ZNF568: variants seen among roughly 807,000 people sequenced by gnomAD.
ZNF568 encodes zinc finger protein 568, also known as p53 inhibitor of SCO2 activation.
Under a neutral mutation model 18.1 loss-of-function variants are expected in ZNF568, and 11 were observed. That is an observed-to-expected ratio of 0.61 (90% CI 0.38 to 1.00). ZNF568 has a LOEUF of 1.00. Among genes scored for constraint, ZNF568 ranks in the 50% least tolerant of loss-of-function variants. The pLI is 0.01. For synonymous variants in ZNF568, 213 were observed against 246.6 expected (o/e 0.86, Z 1.28); for missense variants, 639 against 768.2 (o/e 0.83, Z 1.99).
At position 36,922,942 on chromosome 19, in the gene ZNF568, C is replaced by T. The variant is rs1207118727; in HGVS notation, c.76+96C>T. On this transcript the variant is annotated intron_variant, in intron 3 of 6. Transcript: ENST00000333987. ...TCATTACTCCTACTGAGAAAGGTCA[C>T]GTATGTTAATTGACTAGGCAGGGGA... The T allele has an allele frequency of 1.8e-5, 18 of 1,020,192 alleles. No homozygotes were observed. The Admixed American group carries it at 2.6e-4, about 15-fold the overall frequency. The allele number at this position is 1,020,192 out of a possible 1,614,324, so 63.2% of individuals were successfully genotyped here.
intron 4 of ZNF568, among the ~76,000 whole-genome samples, chr19:36,995,933 C>T (rs535797183): frequency 4.0e-4 from 61 of 152,096 alleles, no homozygotes; most frequent in Non-Finnish European, 7.6e-4. Context: ...TGTCTATATC[C>T]GAATCTCTGA....
At position 36,975,681 on chromosome 19, in the gene ZNF568, C is replaced by CTTTTTTTTTTTTTTTTTTTTTT. The variant is rs1193440344; in HGVS notation, c.405+1236_405+1237insTTTTTTTTTTTTTTTTTTTTTT. Among the ~76,000 whole-genome samples, 7 of 75,778 alleles carry CTTTTTTTTTTTTTTTTTTTTTT rather than the reference C, an allele frequency of 9.2e-5. 2 individuals carry two copies. Among genetic ancestry groups the CTTTTTTTTTTTTTTTTTTTTTT allele is most frequent in the African/African-American group, 1.2e-4 (2 of 16,420 alleles). The allele number at this position is 75,778 out of a possible 152,430, so 49.7% of individuals were successfully genotyped here. ...GCAGGCGTGAGCCACCGCGCCAAGA[C>CTTTTTTTTTTTTTTTTTTTTTT]TTTTTTTTTTTTTTTTTTTTTGAGA... On this transcript the variant is annotated intron_variant, in intron 7 of 7. Transcript: ENST00000427117.
chr19:36,936,604 T>C, intron 4 of ZNF568, 142 bp from the exon 5 acceptor site: 3 of 698,348 alleles, frequency 4.3e-6, no homozygotes, highest in African/African-American at 1.8e-5. Flanking sequence ...TTTCTTTGAA[T>C]GTTTTTTCTG....
At chr19:36,997,310 G>A, downstream of ZNF568, 2 of 1,602,310 alleles carry the variant, frequency 1.2e-6, no homozygotes, top group Non-Finnish European at 1.7e-6. Flanking sequence ...TGTAAGGAAT[G>A]TGGGAAGTCC....
chr19:36,955,183 T>A (rs2074098212), downstream of ZNF568, among the ~76,000 whole-genome samples: 1 of 139,830 alleles, frequency 7.2e-6, no homozygotes, highest in Non-Finnish European at 1.6e-5. Flanking sequence ...CCTGTATAAA[T>A]ATTTGTGAGA....
At chr19:36,993,146 G>T (rs1267739514) in intron 4 of ZNF568, among the ~76,000 whole-genome samples, 1 of 152,116 alleles carries the variant, frequency 6.6e-6, no homozygotes, top group Admixed American at 6.5e-5. Flanking sequence ...GAGTATTTTT[G>T]TCATGAAAGG....
chr19:36,939,679 A>G (rs997521829), intron 6 of ZNF568, among the ~76,000 whole-genome samples: 3 of 151,474 alleles, frequency 2.0e-5, no homozygotes, highest in Non-Finnish European at 4.4e-5. Context: ...AGCTGGGACT[A>G]CAGGCACGCG....
At chr19:36,987,840 G>A (rs1470680407) in intron 2 of ZNF568, among the ~76,000 whole-genome samples, 2 of 151,700 alleles carry the variant, frequency 1.3e-5, no homozygotes, top group African/African-American at 4.8e-5. Context: ...GTGTGTGTGT[G>A]TGTGTGTGTG....
intron 2 of ZNF568, among the ~76,000 whole-genome samples, chr19:36,986,419 G>A (rs543603788): frequency 3.3e-5 from 5 of 152,182 alleles, no homozygotes; most frequent in South Asian, 4.1e-4. Flanking sequence ...CATTCCCTGG[G>A]CAAAATAAGC....
chr19:36,978,982 C>CTTT (rs750326116), intron 7 of ZNF568: 1,137 of 260,934 alleles, frequency 4.4e-3, no homozygotes, highest in South Asian at 7.7e-3. Context: ...TTGTAACTAT[C>CTTT]TTTTTTTTTT....
chr19:36,957,826 G>C (rs73620013), intron 6 of ZNF568, among the ~76,000 whole-genome samples: 1,983 of 152,172 alleles, frequency 0.013, 44 homozygotes, highest in African/African-American at 0.045. Flanking sequence ...GATTGGAGTG[G>C]GTTTGATTTA....
At chr19:36,948,313 T>C (rs1021787812) in intron 6 of ZNF568, among the ~76,000 whole-genome samples, 4 of 152,186 alleles carry the variant, frequency 2.6e-5, no homozygotes, top group African/African-American at 9.7e-5. Context: ...AGCACATCTG[T>C]TTTTATCATT....
rs59619234 is a variant in ZNF568 at position 36,990,084 on chromosome 19, T to C, written c.10-1092T>C. ...GCCAGTATCTCTAGCTGTCTGAGGA[T>C]TTTAGGACTGGGGATATCCTGAGAT... On this transcript the variant is annotated intron_variant, in intron 2 of 4. Coordinates refer to the ZNF568 transcript ENST00000433993. Among the ~76,000 whole-genome samples the C allele has an allele frequency of 9.3e-3, 1,420 of 152,286 alleles. 25 individuals are homozygous for C. The highest frequency in any genetic ancestry group is 0.032 in the African/African-American group (1,350 of 41,550).
downstream of ZNF568, among the ~76,000 whole-genome samples, chr19:36,981,573 GA>G (rs2074331727): frequency 6.6e-6 from 1 of 151,906 alleles, no homozygotes; most frequent in Non-Finnish European, 1.5e-5. Flanking sequence ...TTTCTTAGAT[GA>G]CATTAACTTT....
chr19:36,996,790 C>T, exon 5 of ZNF568: 3 of 1,553,506 alleles, frequency 1.9e-6, no homozygotes, highest in South Asian at 1.2e-5. Flanking sequence ...AGAGAAACCT[C>T]ATAAATGTAA....
intron 2 of ZNF568, chr19:36,991,156 G>T (rs746688467): frequency 2.2e-5 from 33 of 1,521,498 alleles, no homozygotes; most frequent in Non-Finnish European, 1.2e-5. Flanking sequence ...CACAAATGGT[G>T]TATTTATTTT....
At chr19:36,954,766 T>C (rs1203279636), downstream of ZNF568, among the ~76,000 whole-genome samples, 1 of 149,376 alleles carries the variant, frequency 6.7e-6, no homozygotes, top group Non-Finnish European at 1.5e-5. Context: ...TTAATGGAGC[T>C]GGGGTTTCAC....
In ZNF568 at chr19:36,950,357, T is replaced by C. The variant is rs2074038282; in HGVS notation, c.1204T>C (p.Cys402Arg). The change falls in exon 7 of 7, where the codon TGC becomes CGC. Residue 402 changes from cysteine (C) to arginine (R), a missense_variant. Cys to Arg is a radical substitution (Grantham distance 180, BLOSUM62 -3). Coordinates refer to ENST00000333987, the MANE Select transcript of ZNF568 (RefSeq NM_198539.4). ...TAAATGTGGAAAAGCTTTCTCTCAA[T>C]GCTCAGTATTTATTATACATATGAG... ...CNKCGKAFSQCSVFIIHMRSH... is the reference protein window; with the variant it reads ...CNKCGKAFSQRSVFIIHMRSH... 6.2e-7 allele frequency: 1 copy of C among 1,613,764 alleles called. No homozygotes were observed.
exon 5 of ZNF568, chr19:36,997,034 A>G (rs1377679155): frequency 3.2e-6 from 5 of 1,563,662 alleles, no homozygotes; most frequent in Middle Eastern, 1.7e-4. Flanking sequence ...CATACGGGTG[A>G]GAAACCCCAT....
Sources: gnomAD v4.1 joint callset for allele counts (sites outside exome capture counted in the v4.1 genomes callset) on GRCh38, gnomAD v4.1.1 for gene constraint, MANE v1.5 for transcripts, NCBI Gene and HGNC (gene_info 2026-07-23, HGNC 2026-07-21) for gene names.